The following DEPDC5 variants were observed in gnomAD, a reference collection of about 807,000 sequenced individuals.
DEPDC5 encodes the protein DEP domain containing 5, GATOR1 subcomplex subunit, also known as GATOR1 complex protein DEPDC5.
A neutral mutation model predicts 217.3 loss-of-function variants in DEPDC5; 73 were observed. That is an observed-to-expected ratio of 0.34 (90% CI 0.28 to 0.41). The LOEUF (loss-of-function observed/expected upper bound fraction) is 0.41. DEPDC5 is among the 10% of genes least tolerant of loss of function. DEPDC5 has a pLI of 1.00. For missense variants in DEPDC5, 1,675 were observed against 2,070.1 expected (o/e 0.81, Z 3.70); for synonymous variants, 733 against 756.7 (o/e 0.97, Z 0.51).
At chr22:31,854,133 G>A (rs2092170247) in intron 31 of DEPDC5, among the ~76,000 whole-genome samples, 1 of 152,144 alleles carries the variant, frequency 6.6e-6, no homozygotes. Context: ...TCTCATGTAT[G>A]TTCTCATGTA....
In DEPDC5 at chr22:31,906,867, C is replaced by T. The variant is rs767503678; in HGVS notation, c.*370C>T. The T allele has an allele frequency of 2.7e-6, 1 of 364,034 alleles. No homozygotes were observed. The highest frequency in any genetic ancestry group is 5.1e-6 in the Non-Finnish European group (1 of 196,012). The allele number at this position is 364,034 out of a possible 1,614,324, so 22.6% of individuals were successfully genotyped here. ...TGGTAGCATCCTTTTCCTTCACCAT[C>T]TATGGGATATTAGGGGCAGAATCTG... On this transcript the variant is annotated 3_prime_UTR_variant, in exon 43 of 43. Coordinates refer to ENST00000651528, the MANE Select transcript of DEPDC5 (RefSeq NM_001242896.3). The surrounding 1 kb of genome is among the most constrained non-coding windows in gnomAD (Gnocchi z 5.1).
intron 38 of DEPDC5, among the ~76,000 whole-genome samples, chr22:31,883,961 C>A (rs1362056958): frequency 6.6e-6 from 1 of 152,142 alleles, no homozygotes. Context: ...GTCCTGGCTT[C>A]AACAGTTCTT....
intron 20 of DEPDC5, among the ~76,000 whole-genome samples, chr22:31,812,351 G>A (rs1215903159): frequency 6.7e-6 from 1 of 150,326 alleles, no homozygotes; most frequent in Non-Finnish European, 1.5e-5. Context: ...TTTTGTGAAT[G>A]TGTGAAACAG....
At chr22:31,867,792 C>T (rs2149210034) in intron 33 of DEPDC5, among the ~76,000 whole-genome samples, 1 of 152,204 alleles carries the variant, frequency 6.6e-6, no homozygotes, top group South Asian at 2.1e-4. Flanking sequence ...CACCCCCTAC[C>T]CCGGCTCCCA....
chr22:31,793,447 A>G (rs765742494), intron 12 of DEPDC5, among the ~76,000 whole-genome samples: 2 of 151,790 alleles, frequency 1.3e-5, no homozygotes, highest in Non-Finnish European at 2.9e-5. Flanking sequence ...TATTTGATTC[A>G]TCTGTTTTTT....
intron 33 of DEPDC5, among the ~76,000 whole-genome samples, chr22:31,865,615 A>G (rs1362716100): frequency 1.3e-5 from 2 of 152,242 alleles, no homozygotes; most frequent in Non-Finnish European, 2.9e-5. Context: ...CAATTGAGAT[A>G]GCAAATTCCA....
At chr22:31,902,625 G>A (rs542793730) in intron 41 of DEPDC5, among the ~76,000 whole-genome samples, 12 of 151,938 alleles carry the variant, frequency 7.9e-5, no homozygotes, top group Non-Finnish European at 1.8e-4. Flanking sequence ...TGCAGATTCA[G>A]GGCAGAAGGT....
rs113834826 is a variant in DEPDC5, at chr22:31,796,703, C to CT, written c.768-886dup. On this transcript the variant is annotated intron_variant, in intron 12 of 42. Coordinates refer to ENST00000651528, the MANE Select transcript of DEPDC5 (RefSeq NM_001242896.3). ...TGTGTTCTCACCAACAGTGAGTGCT[C>CT]TTTTTTTTTTTGAGATGGAGTCTCG... 3.9e-3 allele frequency among the ~76,000 whole-genome samples: 568 copies of CT among 146,524 alleles called. 3 individuals are homozygous for CT. Among genetic ancestry groups the CT allele is most frequent in the South Asian group, 0.013 (60 of 4,640 alleles).
chr22:31,866,766 T>G (rs2092700677), intron 33 of DEPDC5, among the ~76,000 whole-genome samples: 1 of 152,194 alleles, frequency 6.6e-6, no homozygotes, highest in African/African-American at 2.4e-5. Context: ...AATCTGGGTT[T>G]GTCCGAGGTT....
At chr22:31,785,518 A>G (rs1404175864) in intron 10 of DEPDC5, among the ~76,000 whole-genome samples, 2 of 152,054 alleles carry the variant, frequency 1.3e-5, no homozygotes, top group Non-Finnish European at 2.9e-5. Flanking sequence ...AAGACTTAAT[A>G]TTGTGAATTT....
rs5753789 is a variant in DEPDC5, at chr22:31,803,608, A to G, written c.1082-554A>G. Among the ~76,000 whole-genome samples the G allele has an allele frequency of 1.5e-3, 230 of 151,886 alleles. 4 individuals carry two copies. In the East Asian group the frequency reaches 0.039, roughly 26 times the overall value. ...CCCCAACTCAGCCCCACACCCCCCA[A>G]TTTGATTTGTTTCATCAACAAGATG... On this transcript the variant is annotated intron_variant, in intron 15 of 42. Coordinates refer to ENST00000651528, the MANE Select transcript of DEPDC5 (RefSeq NM_001242896.3).
intron 18 of DEPDC5, among the ~76,000 whole-genome samples, chr22:31,807,116 A>T (rs905103585): frequency 6.6e-6 from 1 of 152,198 alleles, no homozygotes; most frequent in Non-Finnish European, 1.5e-5. Context: ...ATTATATCAC[A>T]TGCTACAAAA....
intron 13 of DEPDC5, 67 bp from the exon 14 acceptor site, chr22:31,798,515 T>A (rs1459543708): frequency 6.9e-6 from 10 of 1,445,802 alleles, no homozygotes; most frequent in East Asian, 2.5e-5. Context: ...AAGGCTTCGT[T>A]TAAAATTAAA....
At chr22:31,844,926 C>T in intron 29 of DEPDC5, 92 bp from the exon 30 acceptor site, 1 of 1,337,950 alleles carries the variant, frequency 7.5e-7, no homozygotes, top group Non-Finnish European at 1.1e-6. Context: ...GGAGATGGAC[C>T]TTCACACACC....
intron 5 of DEPDC5, among the ~76,000 whole-genome samples, chr22:31,766,157 T>G (rs2082800406): frequency 6.6e-6 from 1 of 152,376 alleles, no homozygotes; most frequent in South Asian, 2.1e-4. Context: ...TGTGAAACTA[T>G]ATGTAAAACT....
chr22:31,835,159 A>G (rs1053763184), intron 25 of DEPDC5, among the ~76,000 whole-genome samples: 1 of 152,146 alleles, frequency 6.6e-6, no homozygotes, highest in African/African-American at 2.4e-5. Flanking sequence ...AATACATAAT[A>G]CATGGTGCAG....
intron 38 of DEPDC5, among the ~76,000 whole-genome samples, chr22:31,881,331 T>C (rs907279375): frequency 1.3e-4 from 19 of 151,548 alleles, no homozygotes; most frequent in African/African-American, 4.6e-4. Context: ...TCAGATTCAC[T>C]TGGATCTGGG....
At chr22:31,818,589 A>G (rs900456683) in intron 21 of DEPDC5, among the ~76,000 whole-genome samples, 4 of 152,252 alleles carry the variant, frequency 2.6e-5, no homozygotes, top group African/African-American at 9.6e-5. Context: ...AAATGGGTTT[A>G]TAGTGAAGAC....
At chr22:31,801,739 G>A (rs1445835524) in intron 14 of DEPDC5, among the ~76,000 whole-genome samples, 1 of 152,146 alleles carries the variant, frequency 6.6e-6, no homozygotes, top group Non-Finnish European at 1.5e-5. Flanking sequence ...CCAGTTAGGT[G>A]TCCATCTGCC....
Sources: allele counts gnomAD v4.1 joint callset (sites outside exome capture counted in the v4.1 genomes callset), GRCh38; gene constraint gnomAD v4.1.1; non-coding constraint Gnocchi (gnomAD v3.1); transcripts MANE v1.5; gene names NCBI Gene and HGNC (gene_info 2026-07-23, HGNC 2026-07-21).